Variants in TMEM163 observed in about 807,000 individuals in gnomAD.
TMEM163 encodes transmembrane protein 163.
Under a neutral mutation model 29.3 loss-of-function variants are expected in TMEM163, and 17 were observed. The ratio of observed to expected loss-of-function variants is 0.58; its 90% CI spans 0.40 to 0.87. The LOEUF (loss-of-function observed/expected upper bound fraction) is 0.87, where lower values mean the gene tolerates loss of function less well. Ranked by LOEUF, TMEM163 falls within the 40% of genes least tolerant of loss-of-function variation. The pLI is 0.00. For synonymous variants in TMEM163, 157 were observed against 160.6 expected (o/e 0.98, Z 0.17); for missense variants, 303 against 381.5 (o/e 0.79, Z 1.71).
chr2:134,532,080 T>C (rs1157213043), intron 4 of TMEM163, among the ~76,000 whole-genome samples: 1 of 152,222 alleles, frequency 6.6e-6, no homozygotes, highest in African/African-American at 2.4e-5. Context: ...ACAGGTAGGA[T>C]GGACTCAGTT....
chr2:134,586,893 A>G (rs1681834844), intron 2 of TMEM163, among the ~76,000 whole-genome samples: 1 of 152,202 alleles, frequency 6.6e-6, no homozygotes, highest in South Asian at 2.1e-4. Flanking sequence ...ATCCACCAGA[A>G]AAACCCCAAA....
intron 4 of TMEM163, among the ~76,000 whole-genome samples, chr2:134,527,877 G>C (rs566770388): frequency 6.6e-6 from 1 of 152,226 alleles, no homozygotes; most frequent in East Asian, 1.9e-4. Flanking sequence ...GGTCCAAAAT[G>C]GGCTAAGTCT....
intron 2 of TMEM163, among the ~76,000 whole-genome samples, chr2:134,676,112 G>C (rs1471156185): frequency 1.3e-5 from 2 of 152,140 alleles, no homozygotes; most frequent in African/African-American, 4.8e-5. Context: ...ATGTTTCACT[G>C]GCTCTCTGGG....
At chr2:134,572,233 A>G (rs137947704) in intron 2 of TMEM163, among the ~76,000 whole-genome samples, 156 of 152,318 alleles carry the variant, frequency 1.0e-3, no homozygotes, top group African/African-American at 3.6e-3. Context: ...AGATGTCGTC[A>G]GCCACACCCC....
At chr2:134,490,870 T>TA (rs1387934940) in intron 5 of TMEM163, among the ~76,000 whole-genome samples, 4 of 151,712 alleles carry the variant, frequency 2.6e-5, no homozygotes, top group South Asian at 2.1e-4. Flanking sequence ...GCTTGGGAAA[T>TA]AAAAAAAGCA....
intron 5 of TMEM163, among the ~76,000 whole-genome samples, chr2:134,478,953 G>T (rs1686980730): frequency 6.6e-6 from 1 of 152,160 alleles, no homozygotes; most frequent in African/African-American, 2.4e-5. Context: ...CTCATCCTGG[G>T]GTGGAAGGGG....
intron 2 of TMEM163, among the ~76,000 whole-genome samples, chr2:134,608,782 C>T (rs2104815760): frequency 2.3e-5 from 1 of 42,562 alleles, no homozygotes; most frequent in African/African-American, 1.1e-4. Context: ...AAAGGACAGA[C>T]CCCGAGAACT....
intron 2 of TMEM163, among the ~76,000 whole-genome samples, chr2:134,610,798 T>C (rs914867580): frequency 4.6e-5 from 7 of 152,104 alleles, no homozygotes; most frequent in African/African-American, 1.7e-4. Context: ...TTTCTGAGCA[T>C]CCAGGGTGAA....
At chr2:134,710,070 T>C (rs1001974945) in intron 2 of TMEM163, among the ~76,000 whole-genome samples, 1 of 152,208 alleles carries the variant, frequency 6.6e-6, no homozygotes, top group African/African-American at 2.4e-5. Flanking sequence ...CAAATCAATA[T>C]ACATCTTACA....
intron 2 of TMEM163, among the ~76,000 whole-genome samples, chr2:134,680,514 TCA>T (rs1468161037): frequency 3.9e-5 from 6 of 152,290 alleles, no homozygotes; most frequent in Non-Finnish European, 7.4e-5. Context: ...TGTCCACCTC[TCA>T]CAAATCTTTC....
Position 134,466,631 on chromosome 2 carries a change from C to T in TMEM163, c.556-406G>A, listed in dbSNP as rs146869062. ...ATTTTGGAACACGTAAACACACCAC[C>T]AGCCTAACAATCCTTCAACAGAGCC... On this transcript the variant is annotated intron_variant, in intron 5 of 7. Transcript: ENST00000281924. 451 of 173,858 alleles carry T rather than the reference C, an allele frequency of 2.6e-3. 2 individuals carry two copies. The highest frequency in any genetic ancestry group is 0.01 in the African/African-American group (423 of 42,172). 10.8% of individuals were successfully genotyped at this position (173,858 alleles called of 1,614,324 possible).
intron 6 of TMEM163, among the ~76,000 whole-genome samples, chr2:134,461,379 GA>G (rs35533530): frequency 6.6e-6 from 1 of 152,180 alleles, no homozygotes. Context: ...ATGAGCAGGA[GA>G]AAACAGCAGG....
At chr2:134,599,808 C>T (rs1396757531) in intron 2 of TMEM163, among the ~76,000 whole-genome samples, 1 of 150,966 alleles carries the variant, frequency 6.6e-6, no homozygotes, top group Admixed American at 6.6e-5. Context: ...GTTGAGATTA[C>T]AGGCATAAGC....
chr2:134,538,436 G>T (rs1052607731), intron 4 of TMEM163, among the ~76,000 whole-genome samples: 2 of 152,140 alleles, frequency 1.3e-5, no homozygotes, highest in Admixed American at 6.5e-5. Context: ...ATGACACATA[G>T]CAATTCCACT....
intron 2 of TMEM163, among the ~76,000 whole-genome samples, chr2:134,633,123 C>G (rs1683010177): frequency 3.3e-5 from 5 of 152,098 alleles, no homozygotes; most frequent in Admixed American, 3.3e-4. Flanking sequence ...TGGAGGGATA[C>G]ATTCAGACCA....
Position 134,576,586 on chromosome 2 carries a change from G to T in TMEM163, c.323-24495C>A, listed in dbSNP as rs566151267. ...AAGATTTTCTTTTTAGGAGAGAAAG[G>T]TCTCCCACACAAAAAGGAACCAAGA... On this transcript the variant is annotated intron_variant, in intron 2 of 7. Transcript: ENST00000281924. Among the ~76,000 whole-genome samples, 8 of 152,264 alleles carry T rather than the reference G, an allele frequency of 5.3e-5. No individual in the cohort carries two copies. In the East Asian group the frequency reaches 1.5e-3, roughly 29 times the overall value.
intron 2 of TMEM163, among the ~76,000 whole-genome samples, chr2:134,671,780 C>G (rs962278473): frequency 2.0e-5 from 3 of 152,194 alleles, no homozygotes; most frequent in African/African-American, 7.2e-5. Flanking sequence ...AGAGCCACAC[C>G]CAGCCATCTG....
rs116297824 is a variant in TMEM163, at chr2:134,571,160, C to T, written c.323-19069G>A. ...CAAGTTCCCCTCAAATTATAGATAG[C>T]CTCAGTCTTAAGAATCCAATTATAT... On this transcript the variant is annotated intron_variant, in intron 2 of 7. Transcript: ENST00000281924. Among the ~76,000 whole-genome samples, 365 of 152,280 alleles carry T rather than the reference C, an allele frequency of 2.4e-3. 1 individual carries two copies. Among genetic ancestry groups the T allele is most frequent in the Admixed American group, 5.1e-3 (78 of 15,296 alleles).
intron 6 of TMEM163, among the ~76,000 whole-genome samples, chr2:134,464,928 T>C (rs1266728798): frequency 6.6e-6 from 1 of 152,100 alleles, no homozygotes; most frequent in East Asian, 1.9e-4. Flanking sequence ...AAGGAGCCCA[T>C]GCCATGTCAC....
Sources: allele counts gnomAD v4.1 joint callset (sites outside exome capture counted in the v4.1 genomes callset), GRCh38; gene constraint gnomAD v4.1.1; transcripts MANE v1.5; gene names NCBI Gene and HGNC (gene_info 2026-07-23, HGNC 2026-07-21).